SIL1: variants seen among roughly 807,000 people sequenced by gnomAD.
The protein encoded by SIL1 is nucleotide exchange factor SIL1.
Under a neutral mutation model 49.1 loss-of-function variants are expected in SIL1, and 40 were observed. That is an observed-to-expected ratio of 0.81 (90% confidence interval 0.63 to 1.06). The LOEUF (loss-of-function observed/expected upper bound fraction) is 1.06. Ranked by LOEUF, SIL1 falls within the 50% of genes least tolerant of loss-of-function variation. SIL1 has a pLI of 0.00. For missense variants in SIL1, 500 were observed against 572.6 expected, an observed-to-expected ratio of 0.87 and a Z score of 1.29; for synonymous variants, 253 against 250.8, an observed-to-expected ratio of 1.01 and a Z score of -0.08.
intron 5 of SIL1, among the ~76,000 whole-genome samples, chr5:139,042,330 G>A (rs1769065186): frequency 6.6e-6 from 1 of 152,154 alleles, no homozygotes; most frequent in Non-Finnish European, 1.5e-5. Context: ...TGATAATGGA[G>A]AGAATGGCTA....
intron 3 of SIL1, among the ~76,000 whole-genome samples, chr5:139,063,313 C>T (rs945787722): frequency 1.3e-5 from 2 of 152,194 alleles, no homozygotes; most frequent in African/African-American, 4.8e-5. Context: ...GGGGGCCTAC[C>T]ACAGCCCCCA....
At chr5:139,088,115 C>T (rs1287987859) in intron 3 of SIL1, among the ~76,000 whole-genome samples, 1 of 152,228 alleles carries the variant, frequency 6.6e-6, no homozygotes, top group African/African-American at 2.4e-5. Context: ...GCCACTGGAG[C>T]TCAGACTCCT....
chr5:139,088,520 G>T (rs1429993545), intron 3 of SIL1, among the ~76,000 whole-genome samples: 1 of 152,174 alleles, frequency 6.6e-6, no homozygotes, highest in Non-Finnish European at 1.5e-5. Context: ...GCAATAATGG[G>T]AAGAGTCCTT....
chr5:138,994,925 T>C lies in SIL1; in HGVS notation c.767+26246A>G, dbSNP rs532403162. ...CTCTTCCTGTGTCCATGTGTTCTCATTGTTCAGCTCCCACTTATAAGTGAT... is the reference window on the plus strand; with the variant it reads ...CTCTTCCTGTGTCCATGTGTTCTCACTGTTCAGCTCCCACTTATAAGTGAT... On this transcript the variant is annotated intron_variant, in intron 7 of 9. Transcript: ENST00000394817. 4.6e-5 allele frequency among the ~76,000 whole-genome samples: 7 copies of C among 152,316 alleles called. No individual in the cohort carries two copies. In the East Asian group the frequency reaches 9.6e-4, roughly 21 times the overall value.
chr5:139,003,560 C>T (rs1455552941), intron 7 of SIL1, among the ~76,000 whole-genome samples: 3 of 152,324 alleles, frequency 2.0e-5, no homozygotes, highest in African/African-American at 7.2e-5. Flanking sequence ...ATAACGTACA[C>T]AAGTTTTACT....
At chr5:139,010,953 G>GAGGC in intron 7 of SIL1, among the ~76,000 whole-genome samples, 1 of 148,636 alleles carries the variant, frequency 6.7e-6, no homozygotes, top group Admixed American at 6.7e-5. Flanking sequence ...GGAGCCTACA[G>GAGGC]AGGCAGGCAG....
At chr5:139,169,857 C>CTCTCCCTCTTTCCACGG (rs1751703587) in intron 1 of SIL1, among the ~76,000 whole-genome samples, 1 of 150,116 alleles carries the variant, frequency 6.7e-6, no homozygotes, top group South Asian at 2.1e-4. Flanking sequence ...CACGGTCTCC[C>CTCTCCCTCTTTCCACGG]TCTCCCTCTT....
At chr5:139,084,325 A>G (rs1219815766) in intron 3 of SIL1, among the ~76,000 whole-genome samples, 15 of 139,738 alleles carry the variant, frequency 1.1e-4, no homozygotes, top group Non-Finnish European at 1.8e-4. Flanking sequence ...CTATAAAGAC[A>G]CATGCACACG....
chr5:138,964,392 G>C (rs1449079651), intron 7 of SIL1, among the ~76,000 whole-genome samples: 2 of 152,176 alleles, frequency 1.3e-5, no homozygotes, highest in African/African-American at 4.8e-5. Context: ...AAATGGAGGA[G>C]CTGAGCAGGA....
At chr5:139,013,756 T>C (rs377205738) in intron 7 of SIL1, 11 of 152,230 alleles carry the variant, frequency 7.2e-5, no homozygotes, top group African/African-American at 2.4e-4. Context: ...ATTTGATAGA[T>C]TGAGAAGTCT....
At chr5:138,959,362 G>A (rs1766969914) in intron 7 of SIL1, among the ~76,000 whole-genome samples, 1 of 152,170 alleles carries the variant, frequency 6.6e-6, no homozygotes, top group Non-Finnish European at 1.5e-5. Context: ...CTGGTAATTG[G>A]CAGCCCAGTA....
At chr5:139,096,223 C>T (rs989946647) in intron 3 of SIL1, among the ~76,000 whole-genome samples, 1 of 152,134 alleles carries the variant, frequency 6.6e-6, no homozygotes, top group Non-Finnish European at 1.5e-5. Context: ...TGACGCCCAC[C>T]CATGGAGGGA....
chr5:139,184,414 T>C (rs1358670182), intron 1 of SIL1, among the ~76,000 whole-genome samples: 1 of 152,134 alleles, frequency 6.6e-6, no homozygotes, highest in Non-Finnish European at 1.5e-5. Flanking sequence ...GGCTCATTCT[T>C]ATAATCCCAG....
intron 3 of SIL1, among the ~76,000 whole-genome samples, chr5:139,092,964 G>A (rs911849372): frequency 3.3e-5 from 5 of 152,164 alleles, no homozygotes; most frequent in African/African-American, 1.2e-4. Flanking sequence ...TCACAGGAGT[G>A]GGTAAGTTTT....
chr5:139,072,760 T>C (rs752466512), intron 3 of SIL1, among the ~76,000 whole-genome samples: 7 of 152,052 alleles, frequency 4.6e-5, no homozygotes, highest in Admixed American at 3.3e-4. Context: ...AAACAATCAA[T>C]AGAGTGAAGA....
chr5:139,121,188 CACAGGGCATG>C lies in SIL1; in HGVS notation c.106-25_106-16del. ...GCAAACTCCTTCTGAGAAAAGAAAA[CACAGGGCATG>C]ACCCACTGCAACTAGGCGCCAGGTA... On this transcript the variant is annotated splice_polypyrimidine_tract_variant and intron_variant, in intron 2 of 9. Transcript: ENST00000394817. 3 of 1,613,970 alleles carry C rather than the reference CACAGGGCATG, an allele frequency of 1.9e-6. No individual in the cohort carries two copies. In the East Asian group the frequency reaches 6.7e-5, roughly 36 times the overall value.
At chr5:138,995,673 T>G (rs1014531693) in intron 7 of SIL1, among the ~76,000 whole-genome samples, 3 of 152,236 alleles carry the variant, frequency 2.0e-5, no homozygotes, top group African/African-American at 4.8e-5. Flanking sequence ...TCTATCAAAC[T>G]GTATATTTGT....
chr5:139,050,163 G>A (rs1769255979), intron 4 of SIL1, among the ~76,000 whole-genome samples: 2 of 152,040 alleles, frequency 1.3e-5, no homozygotes, highest in South Asian at 4.1e-4. Flanking sequence ...TTCACTTGCA[G>A]GCTGAACCAA....
rs551529373 is a variant in SIL1, at chr5:139,168,889, G to C, written c.-11+29380C>G. Among the ~76,000 whole-genome samples the C allele has an allele frequency of 2.7e-5, 4 of 150,696 alleles. No individual in the cohort carries two copies. The East Asian group carries it at 7.8e-4, about 29-fold the overall frequency. On this transcript the variant is annotated intron_variant, in intron 1 of 9. Transcript: ENST00000394817. ...AGGTGGGAGAATCACCTGAGCCCAG[G>C]AAGTTAAGGCTGTAGTGACTTGTGA...
Sources: allele counts gnomAD v4.1 joint callset (sites outside exome capture counted in the v4.1 genomes callset), GRCh38; gene constraint gnomAD v4.1.1; transcripts MANE v1.5; gene names NCBI Gene and HGNC (gene_info 2026-07-23, HGNC 2026-07-21).